The following IKZF2 variants were observed in gnomAD, a reference collection of about 807,000 sequenced individuals.
IKZF2 encodes zinc finger protein Helios.
IKZF2 carries 15 observed loss-of-function variants against 49.2 expected under a neutral mutation model. The ratio of observed to expected loss-of-function variants is 0.30; its 90% CI spans 0.20 to 0.47. The LOEUF is 0.47. Ranked by LOEUF, IKZF2 falls within the 20% of genes least tolerant of loss-of-function variation. The probability of loss-of-function intolerance (pLI) is 1.00; values close to 1 mark genes in which losing one functional copy is unlikely to be tolerated. For missense variants in IKZF2, 567 were observed against 664.6 expected (o/e 0.85, Z 1.61); for synonymous variants, 227 against 221.4 (o/e 1.03, Z -0.23).
intron 4 of IKZF2, among the ~76,000 whole-genome samples, chr2:213,082,364 A>G (rs1359619403): frequency 6.6e-6 from 1 of 152,222 alleles, no homozygotes; most frequent in African/African-American, 2.4e-5. Context: ...TACAAGGTAC[A>G]GCAAATGTCA....
At chr2:213,069,639 A>C (rs1174213417) in intron 4 of IKZF2, among the ~76,000 whole-genome samples, 1 of 152,126 alleles carries the variant, frequency 6.6e-6, no homozygotes, top group Non-Finnish European at 1.5e-5. Flanking sequence ...TGTCAAGCTG[A>C]CCACTCAGAA....
In IKZF2 at chr2:213,014,079, A is replaced by C. The variant is rs1574481599; in HGVS notation, c.713-145T>G. 7.7e-6 allele frequency: 5 copies of C among 645,714 alleles called. No homozygotes were observed. In the East Asian group the frequency reaches 1.4e-4, roughly 18 times the overall value. The allele number at this position is 645,714 out of a possible 1,614,324, so 40.0% of individuals were successfully genotyped here. On this transcript the variant is annotated intron_variant, in intron 7 of 8. Coordinates refer to ENST00000434687, the MANE Select transcript of IKZF2 (RefSeq NM_001387220.1). ...TAGAAAGAATACCCTCTAGTGTGAAAGTATACTCTTTAAATTTGCACACAC... is the reference window on the plus strand; with the variant it reads ...TAGAAAGAATACCCTCTAGTGTGAACGTATACTCTTTAAATTTGCACACAC...
chr2:213,048,159 T>G (rs1700345365), intron 6 of IKZF2, among the ~76,000 whole-genome samples: 1 of 152,102 alleles, frequency 6.6e-6, no homozygotes, highest in Admixed American at 6.6e-5. Flanking sequence ...TCCATTAAAC[T>G]CTCTTGAATT....
At chr2:213,145,482 T>A (rs1377301972) in intron 4 of IKZF2, among the ~76,000 whole-genome samples, 1 of 152,066 alleles carries the variant, frequency 6.6e-6, no homozygotes, top group Non-Finnish European at 1.5e-5. Context: ...CACAAGTGAT[T>A]TGACAGGCCA....
chr2:213,055,481 A>T (rs1701057414), intron 5 of IKZF2, among the ~76,000 whole-genome samples: 1 of 152,132 alleles, frequency 6.6e-6, no homozygotes, highest in South Asian at 2.1e-4. Context: ...GCAAAATGTA[A>T]TTGACTGTAT....
At chr2:213,151,984 C>T (rs1209546574), upstream of IKZF2, 1 of 151,838 alleles carries the variant, frequency 6.6e-6, no homozygotes, top group African/African-American at 2.4e-5. Context: ...TCCCTCGCGC[C>T]CACCCGCGCG....
intron 4 of IKZF2, among the ~76,000 whole-genome samples, chr2:213,104,261 C>CAAAAAAA (rs75972033): frequency 2.6e-5 from 2 of 78,176 alleles, no homozygotes; most frequent in African/African-American, 3.8e-5. Flanking sequence ...TTCTAACGGA[C>CAAAAAAA]AAAAAAAAAA....
intron 4 of IKZF2, among the ~76,000 whole-genome samples, chr2:213,117,451 C>A (rs2059913595): frequency 6.6e-6 from 1 of 152,120 alleles, no homozygotes; most frequent in Non-Finnish European, 1.5e-5. Context: ...GTAAGTAGAG[C>A]CAAGATTTGA....
intron 6 of IKZF2, among the ~76,000 whole-genome samples, chr2:213,046,918 C>G (rs1319622674): frequency 6.6e-6 from 1 of 152,004 alleles, no homozygotes; most frequent in Non-Finnish European, 1.5e-5. Context: ...TGAACAGATT[C>G]AATTACATGG....
chr2:213,092,354 C>T (rs983879810), intron 4 of IKZF2, among the ~76,000 whole-genome samples: 3 of 152,068 alleles, frequency 2.0e-5, no homozygotes, highest in Non-Finnish European at 4.4e-5. Context: ...TAAACTGTAA[C>T]CATAATAACC....
intron 4 of IKZF2, among the ~76,000 whole-genome samples, chr2:213,132,340 T>C (rs2060502372): frequency 6.6e-6 from 1 of 152,008 alleles, no homozygotes; most frequent in Non-Finnish European, 1.5e-5. Context: ...AAAAGATCAT[T>C]TGGAATTAGG....
At chr2:213,038,535 T>C (rs1699273741) in intron 6 of IKZF2, among the ~76,000 whole-genome samples, 2 of 151,628 alleles carry the variant, frequency 1.3e-5, no homozygotes, top group Admixed American at 6.6e-5. Flanking sequence ...TTTTGCATGA[T>C]ACATACACTG....
intron 5 of IKZF2, 118 bp downstream of exon 5, chr2:213,056,715 C>A: frequency 8.2e-7 from 1 of 1,224,474 alleles, no homozygotes; most frequent in Non-Finnish European, 1.2e-6. Context: ...TAGCAGAATT[C>A]TGAAAAGGTA....
intron 4 of IKZF2, among the ~76,000 whole-genome samples, chr2:213,072,153 C>T (rs1220891714): frequency 6.6e-6 from 1 of 152,022 alleles, no homozygotes; most frequent in African/African-American, 2.4e-5. Context: ...TGAATTCTCG[C>T]CCAGCATGAC....
chr2:213,028,095 C>A (rs190972231), intron 6 of IKZF2, among the ~76,000 whole-genome samples: 5 of 152,084 alleles, frequency 3.3e-5, no homozygotes, highest in East Asian at 3.9e-4. Flanking sequence ...AGTCTTAGAC[C>A]ATTTTTTTCA....
intron 7 of IKZF2, among the ~76,000 whole-genome samples, chr2:213,020,654 T>C (rs1158255230): frequency 6.6e-6 from 1 of 152,188 alleles, no homozygotes; most frequent in African/African-American, 2.4e-5. Context: ...CTTTAGATTA[T>C]AGAAACTAGA....
intron 4 of IKZF2, among the ~76,000 whole-genome samples, chr2:213,060,096 A>G (rs1313402852): frequency 2.6e-5 from 4 of 151,372 alleles, no homozygotes; most frequent in Non-Finnish European, 4.4e-5. Context: ...CAGTGTAACT[A>G]ATCTTTCACC....
intron 4 of IKZF2, among the ~76,000 whole-genome samples, chr2:213,146,411 G>T (rs925746655): frequency 1.3e-5 from 2 of 151,968 alleles, no homozygotes; most frequent in African/African-American, 4.8e-5. Flanking sequence ...TACGGGAATT[G>T]TAAGGACTGC....
intron 8 of IKZF2, among the ~76,000 whole-genome samples, chr2:213,012,690 G>A (rs928404637): frequency 6.6e-6 from 1 of 151,852 alleles, no homozygotes; most frequent in Non-Finnish European, 1.5e-5. Context: ...TGCTATTTTG[G>A]TGATGTGTTA....
Sources: gnomAD v4.1 joint callset for allele counts (sites outside exome capture counted in the v4.1 genomes callset) on GRCh38, gnomAD v4.1.1 for gene constraint, MANE v1.5 for transcripts, NCBI Gene and HGNC (gene_info 2026-07-23, HGNC 2026-07-21) for gene names.